Variants in PPP2R5A observed in about 807,000 individuals in gnomAD.
PPP2R5A encodes the protein serine/threonine-protein phosphatase 2A 56 kDa regulatory subunit alpha isoform.
In PPP2R5A, 25 loss-of-function variants were observed where a neutral mutation model predicts 64.2. The ratio of observed to expected loss-of-function variants is 0.39; its 90% CI spans 0.28 to 0.54. The LOEUF (loss-of-function observed/expected upper bound fraction) is 0.54. Among genes scored for constraint, PPP2R5A ranks in the 20% least tolerant of loss-of-function variants. The pLI is 0.67. For synonymous variants in PPP2R5A, 198 were observed against 201.2 expected (o/e 0.98, Z 0.13); for missense variants, 425 against 576.3 (o/e 0.74, Z 2.69).
intron 1 of PPP2R5A, among the ~76,000 whole-genome samples, chr1:212,310,292 G>GT (rs34643638): frequency 0.15 from 22,229 of 145,692 alleles, 2,222 homozygotes; most frequent in East Asian, 0.37. Context: ...ACACTGCTGG[G>GT]TTTTTTTTTT....
At chr1:212,353,749 T>G (rs1659927505) in intron 8 of PPP2R5A, among the ~76,000 whole-genome samples, 1 of 152,154 alleles carries the variant, frequency 6.6e-6, no homozygotes. Context: ...ATGTTTCTAG[T>G]TCCAAAAAAT....
At chr1:212,333,099 C>T (rs369007248) in intron 2 of PPP2R5A, among the ~76,000 whole-genome samples, 2 of 152,020 alleles carry the variant, frequency 1.3e-5, no homozygotes, top group Admixed American at 6.6e-5. Context: ...TTGGGGGTTT[C>T]ACCATGTTGC....
At chr1:212,299,798 T>C (rs1213371811) in intron 1 of PPP2R5A, among the ~76,000 whole-genome samples, 2 of 152,032 alleles carry the variant, frequency 1.3e-5, no homozygotes, top group African/African-American at 4.8e-5. Context: ...TCCCCAGTCA[T>C]ATTGCCTTCA....
intron 1 of PPP2R5A, among the ~76,000 whole-genome samples, chr1:212,293,432 A>G (rs1216897461): frequency 6.6e-6 from 1 of 152,198 alleles, no homozygotes; most frequent in African/African-American, 2.4e-5. Context: ...GAAATATATA[A>G]TACTTTTAGT....
chr1:212,292,045 G>C (rs932545509), intron 1 of PPP2R5A, among the ~76,000 whole-genome samples: 2 of 152,150 alleles, frequency 1.3e-5, no homozygotes, highest in Non-Finnish European at 2.9e-5. Flanking sequence ...TTAAATACAA[G>C]ATATTGAACA....
chr1:212,305,380 A>G (rs1296461122), intron 1 of PPP2R5A, among the ~76,000 whole-genome samples: 1 of 151,946 alleles, frequency 6.6e-6, no homozygotes, highest in Non-Finnish European at 1.5e-5. Flanking sequence ...GTGGTCAGAG[A>G]ACATAGTTTG....
intron 8 of PPP2R5A, among the ~76,000 whole-genome samples, chr1:212,349,637 G>T (rs905178058): frequency 6.6e-6 from 1 of 152,038 alleles, no homozygotes; most frequent in African/African-American, 2.4e-5. Flanking sequence ...TTTAATAATA[G>T]AATTTTTGCC....
chr1:212,314,376 T>C (rs1287437535), intron 1 of PPP2R5A, among the ~76,000 whole-genome samples: 1 of 152,062 alleles, frequency 6.6e-6, no homozygotes, highest in African/African-American at 2.4e-5. Context: ...AAGGTAGTTT[T>C]TTTTTGTTGT....
At chr1:212,342,353 G>C in intron 4 of PPP2R5A, 73 bp downstream of exon 4, 1 of 1,514,044 alleles carries the variant, frequency 6.6e-7, no homozygotes, top group Non-Finnish European at 8.9e-7. Flanking sequence ...TATTAAAATA[G>C]TGTAGTCTTT....
intron 1 of PPP2R5A, among the ~76,000 whole-genome samples, chr1:212,326,877 T>C (rs1304951458): frequency 1.3e-5 from 2 of 152,270 alleles, no homozygotes; most frequent in African/African-American, 4.8e-5. Context: ...CTGTTCTTTG[T>C]AATATATCCA....
chr1:212,346,670 G>A (rs1445572960), intron 5 of PPP2R5A, among the ~76,000 whole-genome samples: 1 of 152,152 alleles, frequency 6.6e-6, no homozygotes, highest in East Asian at 1.9e-4. Flanking sequence ...ATATTAATCT[G>A]TTAAGTAGTT....
intron 1 of PPP2R5A, among the ~76,000 whole-genome samples, chr1:212,293,800 TATAACCTTACTGTG>T (rs1658645214): frequency 6.6e-6 from 1 of 152,168 alleles, no homozygotes; most frequent in Admixed American, 6.6e-5. Context: ...GCCGCTACTA[TATAACCTTACTGTG>T]ATGTTATATC....
chr1:212,300,099 G>GCC (rs1379339352), intron 1 of PPP2R5A, among the ~76,000 whole-genome samples: 1 of 152,138 alleles, frequency 6.6e-6, no homozygotes, highest in Admixed American at 6.5e-5. Flanking sequence ...ACAGGTGTGA[G>GCC]CCACCGCACC....
intron 1 of PPP2R5A, among the ~76,000 whole-genome samples, chr1:212,317,298 T>G (rs1659174114): frequency 7.1e-6 from 1 of 140,506 alleles, no homozygotes; most frequent in South Asian, 2.2e-4. Flanking sequence ...AAAATTGCCA[T>G]TTTTAACTGA....
chr1:212,329,213 C>T lies in PPP2R5A; in HGVS notation c.260C>T (p.Ser87Phe). Residue 87 changes from serine (S) to phenylalanine (F), a missense_variant, in exon 2 of 13, where the codon TCT becomes TTT. Transcript: ENST00000261461. ...QCCILFDFMDSVSDLKSKEIK... is the reference protein window; with the variant it reads ...QCCILFDFMDFVSDLKSKEIK... The stretch of plus-strand genomic sequence containing the variant: ...TGTATACTGTTTGATTTCATGGACT[C>T]TGTTTCAGACTTGAAGAGCAAAGAA... The T allele has an allele frequency of 1.9e-6, 3 of 1,613,412 alleles. No homozygotes were observed. The highest frequency in any genetic ancestry group is 2.5e-6 in the Non-Finnish European group (3 of 1,179,720).
chr1:212,306,566 T>C (rs942851598), intron 1 of PPP2R5A, among the ~76,000 whole-genome samples: 2 of 152,164 alleles, frequency 1.3e-5, no homozygotes, highest in Non-Finnish European at 2.9e-5. Context: ...CTAATACTGG[T>C]ATAGCCACTC....
intron 4 of PPP2R5A, among the ~76,000 whole-genome samples, chr1:212,342,964 T>C (rs963460561): frequency 1.3e-5 from 2 of 152,130 alleles, no homozygotes; most frequent in African/African-American, 4.8e-5. Context: ...TCTTTTTTTT[T>C]TGAGAGGGAG....
Position 212,320,095 on chromosome 1 carries a change from T to C in PPP2R5A, c.182-9040T>C, listed in dbSNP as rs374628632. ...TTCCTAGGCAGAGGACCCTGCGGCC[T>C]TCCGCAGTGTTTGTGTCCCTGGGTA... On this transcript the variant is annotated intron_variant, in intron 1 of 12. Coordinates refer to ENST00000261461, the MANE Select transcript of PPP2R5A (RefSeq NM_006243.4). Among the ~76,000 whole-genome samples the C allele has an allele frequency of 4.1e-4, 63 of 151,912 alleles. 1 individual carries two copies. In the East Asian group the frequency reaches 9.9e-3, roughly 24 times the overall value.
intron 3 of PPP2R5A, among the ~76,000 whole-genome samples, chr1:212,341,230 G>C (rs1239925624): frequency 6.6e-6 from 1 of 152,102 alleles, no homozygotes; most frequent in Non-Finnish European, 1.5e-5. Context: ...AGGTTGCTTG[G>C]CACTTTTATA....
Sources: gnomAD v4.1 joint callset for allele counts (sites outside exome capture counted in the v4.1 genomes callset) on GRCh38, gnomAD v4.1.1 for gene constraint, MANE v1.5 for transcripts, NCBI Gene and HGNC (gene_info 2026-07-23, HGNC 2026-07-21) for gene names.